Variants in L3HYPDH observed in about 807,000 individuals in gnomAD.
The protein encoded by L3HYPDH is trans-L-3-hydroxyproline dehydratase.
A neutral mutation model predicts 26.5 loss-of-function variants in L3HYPDH; 32 were observed. The ratio of observed to expected loss-of-function variants is 1.21; its 90% CI spans 0.91 to 1.62. The LOEUF (loss-of-function observed/expected upper bound fraction) is 1.62. Among genes scored for constraint, L3HYPDH ranks in the 40% most tolerant of loss-of-function variants. The probability of loss-of-function intolerance (pLI) is 0.00; values close to 1 mark genes in which losing one functional copy is unlikely to be tolerated. For missense variants in L3HYPDH, 554 were observed against 476.4 expected (o/e 1.16, Z -1.52); for synonymous variants, 215 against 196.6 (o/e 1.09, Z -0.78).
the L3HYPDH span, among the ~76,000 whole-genome samples, chr14:59,499,252 T>A: frequency 6.6e-6 from 1 of 152,032 alleles, no homozygotes; most frequent in Non-Finnish European, 1.5e-5. Context: ...GATCTCGATC[T>A]CCTGACCTCA....
chr14:59,474,496 T>C (rs1204809480), intron 4 of L3HYPDH: 3 of 700,342 alleles, frequency 4.3e-6, no homozygotes, highest in Non-Finnish European at 5.2e-6. Context: ...TGGGGGGACA[T>C]TGCAATCCCA....
chr14:59,480,688 A>G (rs1889951979), intron 1 of L3HYPDH, among the ~76,000 whole-genome samples: 1 of 152,248 alleles, frequency 6.6e-6, no homozygotes, highest in Admixed American at 6.5e-5. Flanking sequence ...ATTAGTCCAC[A>G]CTAGTCCACA....
chr14:59,494,233 G>A, the L3HYPDH span, among the ~76,000 whole-genome samples: 3 of 151,084 alleles, frequency 2.0e-5, no homozygotes, highest in African/African-American at 7.4e-5. Flanking sequence ...TTAAAATTTA[G>A]AACATGTTTA....
upstream of L3HYPDH, chr14:59,485,131 GTTTA>G (rs1381373479): frequency 1.9e-6 from 3 of 1,597,576 alleles, no homozygotes; most frequent in African/African-American, 4.0e-5. Context: ...GTGATAGGCT[GTTTA>G]TTTCAGTTCA....
At chr14:59,502,752 T>TTTTTTTTTGTTTTGTTTTGTTTTG in the L3HYPDH span, among the ~76,000 whole-genome samples, 11 of 76,766 alleles carry the variant, frequency 1.4e-4, no homozygotes, top group Admixed American at 2.8e-4. Context: ...AAAATGAGAT[T>TTTTTTTTTGTTTTGTTTTGTTTTG]TTTTTTTTTT....
At chr14:59,495,341 G>C in the L3HYPDH span, 3 of 695,620 alleles carry the variant, frequency 4.3e-6, no homozygotes, top group Non-Finnish European at 7.4e-6. Flanking sequence ...GGGTCTGCCA[G>C]CGGCTTTATT....
At chr14:59,494,872 C>T in the L3HYPDH span, 1 of 624,228 alleles carries the variant, frequency 1.6e-6, no homozygotes, top group Middle Eastern at 2.9e-4. Context: ...TTATTTATCC[C>T]TTTTGAGAAA....
At chr14:59,470,955 C>CGGGGGGGGGGG, downstream of L3HYPDH, among the ~76,000 whole-genome samples, 1 of 56,162 alleles carries the variant, frequency 1.8e-5, no homozygotes, top group South Asian at 8.3e-4. Flanking sequence ...TGGCTGGGGG[C>CGGGGGGGGGGG]GGGGGGGGGG....
chr14:59,504,240 G>A, the L3HYPDH span: 3 of 605,584 alleles, frequency 5.0e-6, no homozygotes, highest in Non-Finnish European at 8.7e-6. Context: ...TTACAGACTT[G>A]GAAAATGCAA....
At chr14:59,477,378 T>C (rs922299607) in intron 2 of L3HYPDH, among the ~76,000 whole-genome samples, 2 of 152,254 alleles carry the variant, frequency 1.3e-5, no homozygotes, top group African/African-American at 4.8e-5. Context: ...GCTTCAGCAG[T>C]GTGAATAGTC....
In L3HYPDH at chr14:59,483,826, G is replaced by A. The variant is rs1429983350; in HGVS notation, c.491C>T (p.Ala164Val). The A allele has an allele frequency of 5.7e-6, 9 of 1,592,156 alleles. No homozygotes were observed. In the African/African-American group the frequency reaches 8.0e-5, roughly 14 times the overall value. Residue 164 changes from alanine to valine, a missense_variant, in exon 1 of 5, where the codon GCC becomes GTC. Physicochemically the swap from Ala to Val is moderately conservative, Grantham distance 64. Coordinates refer to ENST00000247194, the MANE Select transcript of L3HYPDH (RefSeq NM_144581.2). Reference sequence around the variant, plus strand: ...CCCATTACCTGTGGCCAGCACGAAGGCCGGGACGCTGTGGAAGCGCACCGG... The same window carrying A: ...CCCATTACCTGTGGCCAGCACGAAGACCGGGACGCTGTGGAAGCGCACCGG... The part of the protein sequence containing the change: ...HGPVRFHSVP[A>V]FVLATDLMVD...
upstream of L3HYPDH, chr14:59,487,786 T>C: frequency 6.2e-7 from 1 of 1,613,616 alleles, no homozygotes; most frequent in South Asian, 1.1e-5. Context: ...CTTCCTCTGG[T>C]TTTACATTGG....
downstream of L3HYPDH, among the ~76,000 whole-genome samples, chr14:59,470,303 G>GC (rs2139792264): frequency 6.6e-6 from 1 of 152,296 alleles, no homozygotes; most frequent in South Asian, 2.1e-4. Context: ...TGTTAGAAAT[G>GC]CCCCACCCCG....
downstream of L3HYPDH, among the ~76,000 whole-genome samples, chr14:59,468,947 C>T (rs182236104): frequency 6.6e-6 from 1 of 152,176 alleles, no homozygotes; most frequent in East Asian, 1.9e-4. Context: ...CACATGAGGA[C>T]ACTGGTTCAC....
At chr14:59,489,295 G>T (rs1890813953), upstream of L3HYPDH, among the ~76,000 whole-genome samples, 1 of 152,178 alleles carries the variant, frequency 6.6e-6, no homozygotes, top group African/African-American at 2.4e-5. Flanking sequence ...GTTGCTTAAT[G>T]ATTTCTTCCA....
In L3HYPDH at chr14:59,484,276, T is replaced by G. The variant is rs781575727; in HGVS notation, c.41A>C (p.Asp14Ala). 1.3e-6 allele frequency: 2 copies of G among 1,595,994 alleles called. No individual in the cohort carries two copies. The highest frequency in any genetic ancestry group is 3.3e-5 in the Admixed American group (2 of 59,874). The change falls in exon 1 of 5, where the codon GAT (aspartate) becomes GCT (alanine). Residue 14 changes from aspartate to alanine, a missense_variant. Coordinates refer to ENST00000247194, the MANE Select transcript of L3HYPDH (RefSeq NM_144581.2). ...ALAVPRLPPH[D>A]PGTPVLSVVD... ...CACCGACAGCACCGGCGTCCCTGGATCATGCGGGGGCAGCCGGGGCACCGC... is the reference window on the plus strand; with the variant it reads ...CACCGACAGCACCGGCGTCCCTGGAGCATGCGGGGGCAGCCGGGGCACCGC...
chr14:59,473,057 C>T lies in L3HYPDH; in HGVS notation c.973G>A (p.Val325Met). The change falls in exon 5 of 5, where the codon GTG (valine) becomes ATG (methionine). Residue 325 changes from valine (V) to methionine (M), a missense_variant. Val to Met is a conservative substitution (Grantham distance 21). Coordinates refer to ENST00000247194, the MANE Select transcript of L3HYPDH (RefSeq NM_144581.2). Reference sequence around the variant, plus strand: ...TAATGGGCTTGTCCTGATACTTCCACTATAACAGCTTTAAAATCACCACAT... The same window carrying T: ...TAATGGGCTTGTCCTGATACTTCCATTATAACAGCTTTAAAATCACCACAT... ...AKCGDFKAVI[V>M]EVSGQAHYTG... 1 of 1,603,372 alleles carries T rather than the reference C, an allele frequency of 6.2e-7. No individual in the cohort carries two copies. The highest frequency in any genetic ancestry group is 1.1e-5 in the South Asian group (1 of 89,046).
intron 2 of L3HYPDH, among the ~76,000 whole-genome samples, chr14:59,476,944 T>C (rs1889671188): frequency 6.6e-6 from 1 of 152,216 alleles, no homozygotes; most frequent in Non-Finnish European, 1.5e-5. Flanking sequence ...ATTTACAGTA[T>C]GACTGAGATT....
At chr14:59,486,717 CGAT>C (rs2139855457), upstream of L3HYPDH, 1 of 1,580,086 alleles carries the variant, frequency 6.3e-7, no homozygotes, top group African/African-American at 1.3e-5. Context: ...AAAAAGCTGT[CGAT>C]ATTCAACCAG....
Sources: allele counts gnomAD v4.1 joint callset (sites outside exome capture counted in the v4.1 genomes callset), GRCh38; gene constraint gnomAD v4.1.1; transcripts MANE v1.5; gene names NCBI Gene and HGNC (gene_info 2026-07-23, HGNC 2026-07-21).